GRK1: variants seen among roughly 807,000 people sequenced by gnomAD.
GRK1 encodes G protein-coupled receptor kinase 1, also known as rhodopsin kinase GRK1.
In GRK1, 28 loss-of-function variants were observed where a neutral mutation model predicts 41.7. The observed-to-expected ratio is 0.67, with a 90% CI of 0.50 to 0.92. GRK1 has a LOEUF of 0.92. GRK1 is among the 40% of genes least tolerant of loss of function. GRK1 has a pLI of 0.00. For synonymous variants in GRK1, 327 were observed against 286.7 expected, an observed-to-expected ratio of 1.14 and a Z score of -1.42; for missense variants, 703 against 671.2, an observed-to-expected ratio of 1.05 and a Z score of -0.52.
upstream of GRK1, among the ~76,000 whole-genome samples, chr13:113,666,718 C>T (rs112089342): frequency 0.027 from 4,134 of 152,236 alleles, 194 homozygotes; most frequent in African/African-American, 0.092. Context: ...GGGAACTGAC[C>T]CCTCAGTAAG....
rs764977992 is a variant in GRK1 at position 113,723,159 on chromosome 13, T to A, written c.1069+2T>A. On this transcript the variant is annotated splice_donor_variant, in intron 4 of 6. Coordinates refer to ENST00000335678, the MANE Select transcript of GRK1 (RefSeq NM_002929.3). LOFTEE classifies it high-confidence loss of function. ...CCAAGGGCTACGCAGGGACCCCAGG[T>A]AAGGGTCTGAGCGCAGCTGGGGAGG... 1 of 700,720 alleles carries A rather than the reference T, an allele frequency of 1.4e-6. No homozygotes were observed. The highest frequency in any genetic ancestry group is 2.6e-6 in the Non-Finnish European group (1 of 383,348). The allele number at this position is 700,720 out of a possible 1,614,324, so 43.4% of individuals were successfully genotyped here. A position where few individuals can be genotyped will look rare whatever the true frequency, so the allele number is the denominator to read the frequency against.
At chr13:113,660,232 C>G in the GRK1 span, among the ~76,000 whole-genome samples, 2 of 152,164 alleles carry the variant, frequency 1.3e-5, no homozygotes, top group African/African-American at 2.4e-5. Context: ...CTCTCTCCCC[C>G]CATCTGAGTG....
chr13:113,654,627 C>A, the GRK1 span, among the ~76,000 whole-genome samples: 4 of 152,252 alleles, frequency 2.6e-5, no homozygotes, highest in Admixed American at 2.6e-4. Context: ...CTCTTAAAGC[C>A]GGTTCAGGGG....
At position 113,668,063 on chromosome 13, in the gene GRK1, TGAA is replaced by T. The variant is rs1295911043; in HGVS notation, c.683_685del (p.Lys228del). 1 of 1,608,726 alleles carries T rather than the reference TGAA, an allele frequency of 6.2e-7. No individual in the cohort carries two copies. The highest frequency in any genetic ancestry group is 1.7e-5 in the Admixed American group (1 of 59,278). ...TGCAAGAAGCTGAACAAGAAGCGGC[TGAA>T]GAAGAGGAAGGGCTACCAGGTGAGC... On this transcript the variant is annotated inframe_deletion, in exon 1 of 7. Transcript: ENST00000335678.
chr13:113,652,998 C>G, the GRK1 span: 1 of 1,614,086 alleles, frequency 6.2e-7, no homozygotes, highest in East Asian at 2.2e-5. Flanking sequence ...TGGTTGGGAG[C>G]GCGGAAACTC....
intron 4 of GRK1, among the ~76,000 whole-genome samples, chr13:113,723,630 A>G (rs147161288): frequency 0.6 from 90,490 of 152,040 alleles, 28,137 homozygotes; most frequent in African/African-American, 0.76. Context: ...ATCTCAGTGA[A>G]CAGAGGGCTC....
Position 113,735,169 on chromosome 13 carries a change from A to G in GRK1, c.1498A>G (p.Lys500Glu). ...FSTVKGVAFD[K>E]TDTEFFQEFA... ...CACCGTCAAAGGTGTGGCCTTTGAC[A>G]AAACAGACACAGAATTCTTTCAGGA... The change falls in exon 7 of 7, where the codon AAA becomes GAA. Residue 500 changes from lysine (K) to glutamate (E), a missense_variant. Transcript: ENST00000335678. The G allele has an allele frequency of 6.5e-7, 1 of 1,537,260 alleles. No homozygotes were observed. The highest frequency in any genetic ancestry group is 1.4e-5 in the African/African-American group (1 of 73,188).
rs1173415418 is a variant in GRK1, at chr13:113,728,029, C to T, written c.1070-3190C>T. Among the ~76,000 whole-genome samples the T allele has an allele frequency of 8.6e-4, 58 of 67,302 alleles. 1 individual carries two copies. The highest frequency in any genetic ancestry group is 4.9e-3 in the African/African-American group (46 of 9,310). 44.2% of individuals were successfully genotyped at this position (67,302 alleles called of 152,430 possible). On this transcript the variant is annotated intron_variant, in intron 4 of 6. Coordinates refer to ENST00000335678, the MANE Select transcript of GRK1 (RefSeq NM_002929.3). ...CCATGGCGATGAGGAGTACCCATGG[C>T]GATGAGGAGTACCCATGGCGATGAG...
Position 113,735,070 on chromosome 13 carries a change from A to T in GRK1, c.1399A>T (p.Met467Leu). The change falls in exon 7 of 7, where the codon ATG becomes TTG. Residue 467 changes from methionine to leucine, a missense_variant and splice_region_variant. Coordinates refer to ENST00000335678, the MANE Select transcript of GRK1 (RefSeq NM_002929.3). ...DLNWRQLEAGMLMPPFIPDSK... is the reference protein window; with the variant it reads ...DLNWRQLEAGLLMPPFIPDSK... The stretch of plus-strand genomic sequence containing the variant: ...TCTGTGTTTTCTGTCTCCCACAGGG[A>T]TGCTGATGCCCCCTTTCATCCCAGA... 2.0e-6 allele frequency: 3 copies of T among 1,511,644 alleles called. No individual in the cohort carries two copies. The highest frequency in any genetic ancestry group is 2.7e-6 in the Non-Finnish European group (3 of 1,128,106). The allele number at this position is 1,511,644 out of a possible 1,614,324, so 93.6% of individuals were successfully genotyped here. A position where few individuals can be genotyped will look rare whatever the true frequency, so the allele number is the denominator to read the frequency against.
At chr13:113,725,224 T>C (rs1344339769) in intron 4 of GRK1, among the ~76,000 whole-genome samples, 1 of 152,236 alleles carries the variant, frequency 6.6e-6, no homozygotes, top group Non-Finnish European at 1.5e-5. Context: ...ATAAGAAGCC[T>C]GTCGGGGGAC....
intron 2 of GRK1, among the ~76,000 whole-genome samples, chr13:113,670,300 C>T (rs543090268): frequency 7.9e-5 from 12 of 151,910 alleles, no homozygotes; most frequent in South Asian, 6.3e-4. Flanking sequence ...CCGGATCTGC[C>T]GCTGAGACAG....
Position 113,737,384 on chromosome 13 carries a change from C to T in GRK1, c.*2021C>T, listed in dbSNP as rs1182899310. ...GCATGTCTTCCCATAGATCCCACGT[C>T]GGCCACACCCTGGGTGAGGAGCACG... On this transcript the variant is annotated 3_prime_UTR_variant, in exon 7 of 7. Coordinates refer to ENST00000335678, the MANE Select transcript of GRK1 (RefSeq NM_002929.3). The T allele has an allele frequency of 3.9e-5, 5 of 126,694 alleles. No homozygotes were observed. The highest frequency in any genetic ancestry group is 2.3e-4 in the Admixed American group (3 of 13,082). 7.8% of individuals were successfully genotyped at this position (126,694 alleles called of 1,614,324 possible). A position where few individuals can be genotyped will look rare whatever the true frequency, so the allele number is the denominator to read the frequency against.
In GRK1 at chr13:113,732,846, C is replaced by T. The variant is rs538487691; in HGVS notation, c.1195-38C>T. 434 of 1,503,266 alleles carry T rather than the reference C, an allele frequency of 2.9e-4. 6 individuals carry two copies. The South Asian group carries it at 4.2e-3, about 15-fold the overall frequency. The allele number at this position is 1,503,266 out of a possible 1,614,324, so 93.1% of individuals were successfully genotyped here. A position where few individuals can be genotyped will look rare whatever the true frequency, so the allele number is the denominator to read the frequency against. On this transcript the variant is annotated intron_variant, in intron 5 of 6. Transcript: ENST00000335678. ...GTCTGGTCTGACCACCCAAGAGAGG[C>T]GGGTCTGGCAGGGCTAAGGCTACGC...
At chr13:113,732,110 G>A (rs1434455466) in intron 5 of GRK1, among the ~76,000 whole-genome samples, 2 of 152,200 alleles carry the variant, frequency 1.3e-5, no homozygotes, top group Non-Finnish European at 2.9e-5. Context: ...CAGAGCTCAG[G>A]GCTGGGGCTG....
intron 6 of GRK1, among the ~76,000 whole-genome samples, chr13:113,733,631 G>GT (rs962852694): frequency 1.3e-5 from 2 of 150,842 alleles, no homozygotes; most frequent in African/African-American, 4.9e-5. Flanking sequence ...GCATACGTGT[G>GT]TGCTCATGTA....
Position 113,731,157 on chromosome 13 carries a change from C to T in GRK1, c.1070-62C>T, listed in dbSNP as rs935696167. ...CCCCAGAGCATCAGTCCTGCGATTCCTGGAGTGCGTGCCCACCATGGAGGT... is the reference window on the plus strand; with the variant it reads ...CCCCAGAGCATCAGTCCTGCGATTCTTGGAGTGCGTGCCCACCATGGAGGT... On this transcript the variant is annotated intron_variant, in intron 4 of 6. Transcript: ENST00000335678. This position sits in a 1 kb window ranked among gnomAD's most constrained non-coding sequence, Gnocchi z 5.6. The T allele has an allele frequency of 1.3e-6, 2 of 1,515,516 alleles. No individual in the cohort carries two copies. Among genetic ancestry groups the T allele is most frequent in the East Asian group, 4.9e-5 (2 of 40,542 alleles). The allele number at this position is 1,515,516 out of a possible 1,614,324, so 93.9% of individuals were successfully genotyped here.
chr13:113,734,847 C>G (rs935041668), intron 6 of GRK1: 1 of 424,438 alleles, frequency 2.4e-6, no homozygotes, highest in Non-Finnish European at 4.1e-6. Flanking sequence ...TCTCAGGCTT[C>G]TTCCGGCCCC....
the GRK1 span, among the ~76,000 whole-genome samples, chr13:113,659,066 G>C: frequency 1.3e-5 from 2 of 152,230 alleles, no homozygotes; most frequent in Admixed American, 6.5e-5. Flanking sequence ...GGCCGGGGCA[G>C]GGACCATGAA....
intron 4 of GRK1, among the ~76,000 whole-genome samples, chr13:113,723,460 G>A (rs189984756): frequency 6.6e-6 from 1 of 152,120 alleles, no homozygotes; most frequent in Non-Finnish European, 1.5e-5. Flanking sequence ...ACACATTTTA[G>A]GGAGCCATGA....
Sources: gnomAD v4.1 joint callset for allele counts (sites outside exome capture counted in the v4.1 genomes callset) on GRCh38, gnomAD v4.1.1 for gene constraint, Gnocchi (gnomAD v3.1) non-coding constraint, MANE v1.5 for transcripts, NCBI Gene and HGNC (gene_info 2026-07-23, HGNC 2026-07-21) for gene names.